The following MACROD2 variants were observed in gnomAD, a reference collection of about 807,000 sequenced individuals.
MACROD2 encodes ADP-ribose glycohydrolase MACROD2.
A neutral mutation model predicts 70.4 loss-of-function variants in MACROD2; 36 were observed. The ratio of observed to expected loss-of-function variants is 0.51; its 90% CI spans 0.39 to 0.68. The LOEUF is 0.68. MACROD2 is among the 30% of genes least tolerant of loss of function. The pLI is 0.00. For synonymous variants in MACROD2, 172 were observed against 178.8 expected (o/e 0.96, Z 0.30); for missense variants, 496 against 538.4 (o/e 0.92, Z 0.78).
chr20:15,073,232 A>C (rs1388533293), intron 5 of MACROD2, among the ~76,000 whole-genome samples: 2 of 152,118 alleles, frequency 1.3e-5, no homozygotes, highest in African/African-American at 4.8e-5. Flanking sequence ...AAAGCTATCT[A>C]TATTTGAAGA....
intron 5 of MACROD2, among the ~76,000 whole-genome samples, chr20:14,877,961 T>C (rs2122453263): frequency 6.6e-6 from 1 of 152,234 alleles, no homozygotes. Flanking sequence ...TTGCCAGAAT[T>C]TGGTATCAGA....
chr20:14,608,792 G>A (rs1165900769), intron 4 of MACROD2, among the ~76,000 whole-genome samples: 1 of 152,152 alleles, frequency 6.6e-6, no homozygotes, highest in Non-Finnish European at 1.5e-5. Context: ...ATTGGGTAGA[G>A]GGACTGGAGG....
chr20:14,630,004 C>G (rs1240213462), intron 4 of MACROD2, among the ~76,000 whole-genome samples: 1 of 148,424 alleles, frequency 6.7e-6, no homozygotes, highest in Non-Finnish European at 1.5e-5. Context: ...TCTATCCATC[C>G]CCTTTTAAGA....
chr20:14,409,773 CT>C (rs2083730024), intron 3 of MACROD2, among the ~76,000 whole-genome samples: 1 of 152,078 alleles, frequency 6.6e-6, no homozygotes, highest in South Asian at 2.1e-4. Context: ...TTAATTGCTG[CT>C]CGGGTTGGAG....
chr20:15,560,358 A>G (rs766882155), intron 8 of MACROD2, among the ~76,000 whole-genome samples: 1 of 152,222 alleles, frequency 6.6e-6, no homozygotes, highest in Non-Finnish European at 1.5e-5. Context: ...ATTATAGTAT[A>G]TTATCTGAAT....
chr20:15,231,006 A>G (rs1484529122), intron 6 of MACROD2, among the ~76,000 whole-genome samples: 1 of 152,066 alleles, frequency 6.6e-6, no homozygotes, highest in Non-Finnish European at 1.5e-5. Context: ...TCACAGAGGT[A>G]GTGGTTTTAT....
intron 4 of MACROD2, among the ~76,000 whole-genome samples, chr20:14,513,361 T>C (rs1327617832): frequency 1.3e-5 from 2 of 152,118 alleles, no homozygotes; most frequent in Non-Finnish European, 2.9e-5. Flanking sequence ...ATTTAAATAC[T>C]GTATATAGTA....
In MACROD2 at chr20:15,876,109, A is replaced by ATATATATATATGTATG. The variant is rs57817982; in HGVS notation, c.728-9652_728-9651insATATATATGTATGTAT. On this transcript the variant is annotated intron_variant, in intron 9 of 17. Transcript: ENST00000684519. The stretch of plus-strand genomic sequence containing the variant: ...ATGTCTTTTATATATATATATATAT[A>ATATATATATATGTATG]TATGTGTGTATTTTTTTTATTACAC... Among the ~76,000 whole-genome samples the ATATATATATATGTATG allele has an allele frequency of 9.1e-3, 1,136 of 124,418 alleles. 24 individuals are homozygous for ATATATATATATGTATG. Among genetic ancestry groups the ATATATATATATGTATG allele is most frequent in the South Asian group, 0.011 (44 of 3,832 alleles). 81.6% of individuals were successfully genotyped at this position (124,418 alleles called of 152,430 possible).
rs1428245364 is a variant in MACROD2 at position 15,340,113 on chromosome 20, T to C, written c.541-91292T>C. The stretch of plus-strand genomic sequence containing the variant: ...TTTGTCAACTTTTCTTTTTCTTTTT[T>C]CTTTCTTTCTTTCTTTCTTTTTTTT... On this transcript the variant is annotated intron_variant, in intron 6 of 17. Transcript: ENST00000684519. Among the ~76,000 whole-genome samples the C allele has an allele frequency of 6.7e-5, 5 of 74,554 alleles. No homozygotes were observed. The East Asian group carries it at 2.2e-3, about 33-fold the overall frequency. The allele number at this position is 74,554 out of a possible 152,430, so 48.9% of individuals were successfully genotyped here.
intron 8 of MACROD2, among the ~76,000 whole-genome samples, chr20:15,573,072 C>A (rs2048396629): frequency 6.6e-6 from 1 of 152,008 alleles, no homozygotes; most frequent in Non-Finnish European, 1.5e-5. Flanking sequence ...AAATTTGGAA[C>A]ACCGTAAGGC....
rs554890470 is a variant in MACROD2 at position 15,522,781 on chromosome 20, G to A, written c.645+22934G>A. 2.6e-5 allele frequency among the ~76,000 whole-genome samples: 4 copies of A among 152,290 alleles called. No individual in the cohort carries two copies. The South Asian group carries it at 8.3e-4, about 32-fold the overall frequency. ...CTTTAGCTGGCAACTGGTGCTAACT[G>A]CTGGGTGACTGGAGACAGCAATGGG... On this transcript the variant is annotated intron_variant, in intron 8 of 17. Coordinates refer to ENST00000684519, the MANE Select transcript of MACROD2 (RefSeq NM_001351661.2).
intron 6 of MACROD2, among the ~76,000 whole-genome samples, chr20:15,415,260 G>A (rs2046130691): frequency 6.6e-6 from 1 of 152,196 alleles, no homozygotes; most frequent in South Asian, 2.1e-4. Context: ...AACACATTTT[G>A]TAGGGTGGGG....
chr20:14,490,263 G>GT (rs2084779948), intron 3 of MACROD2, among the ~76,000 whole-genome samples: 1 of 152,134 alleles, frequency 6.6e-6, no homozygotes, highest in Non-Finnish European at 1.5e-5. Context: ...GTAACCACTT[G>GT]TTTAGGGTAT....
At position 14,400,901 on chromosome 20, in the gene MACROD2, T is replaced by G. The variant is rs191122938; in HGVS notation, c.272-92578T>G. Among the ~76,000 whole-genome samples, 21 of 152,318 alleles carry G rather than the reference T, an allele frequency of 1.4e-4. No homozygotes were observed. In the East Asian group the frequency reaches 4.0e-3, roughly 29 times the overall value. ...TAATGATCTATATTAATAATATCCATTAGTACTTATGATGTTAATGGTAAA... is the reference window on the plus strand; with the variant it reads ...TAATGATCTATATTAATAATATCCAGTAGTACTTATGATGTTAATGGTAAA... On this transcript the variant is annotated intron_variant, in intron 3 of 17. Coordinates refer to ENST00000684519, the MANE Select transcript of MACROD2 (RefSeq NM_001351661.2).
chr20:14,074,625 A>G (rs149168739), intron 2 of MACROD2, among the ~76,000 whole-genome samples: 2 of 152,266 alleles, frequency 1.3e-5, no homozygotes, highest in East Asian at 3.9e-4. Context: ...ATTCACATCC[A>G]GAATCCTGAG....
chr20:15,767,477 T>C (rs1240560403), intron 8 of MACROD2, among the ~76,000 whole-genome samples: 3 of 152,258 alleles, frequency 2.0e-5, no homozygotes, highest in African/African-American at 7.2e-5. Flanking sequence ...AAATGACTTG[T>C]TGATTTGCAA....
At chr20:14,533,178 AG>A (rs1171093018) in intron 4 of MACROD2, among the ~76,000 whole-genome samples, 2 of 152,228 alleles carry the variant, frequency 1.3e-5, no homozygotes, top group East Asian at 3.8e-4. Flanking sequence ...TTATAAGGAA[AG>A]TAACTTTGAA....
At chr20:15,771,316 A>G (rs1295477590) in intron 8 of MACROD2, among the ~76,000 whole-genome samples, 1 of 149,060 alleles carries the variant, frequency 6.7e-6, no homozygotes. Flanking sequence ...CTGGGACTAT[A>G]GGCACACACC....
intron 10 of MACROD2, among the ~76,000 whole-genome samples, chr20:15,907,149 G>A (rs999027933): frequency 1.3e-5 from 2 of 152,298 alleles, no homozygotes; most frequent in African/African-American, 4.8e-5. Flanking sequence ...ATTCTTCAAG[G>A]AGGTTTGGTT....
Sources: allele counts gnomAD v4.1 joint callset (sites outside exome capture counted in the v4.1 genomes callset), GRCh38; gene constraint gnomAD v4.1.1; transcripts MANE v1.5; gene names NCBI Gene and HGNC (gene_info 2026-07-23, HGNC 2026-07-21).